The following REDIC1 variants were observed in gnomAD, a reference collection of about 807,000 sequenced individuals.
REDIC1 encodes the protein regulator of DNA class I crossover intermediates 1, also known as HEI10 Interacting Protein 1.
At chr12:39,708,804 A>G in the REDIC1 span, among the ~76,000 whole-genome samples, 1 of 151,868 alleles carries the variant, frequency 6.6e-6, no homozygotes, top group Admixed American at 6.6e-5. Context: ...TTGAAGAATT[A>G]TATGCCTCTT....
the REDIC1 span, among the ~76,000 whole-genome samples, chr12:39,741,826 G>A: frequency 0.054 from 8,262 of 152,136 alleles, 261 homozygotes; most frequent in Middle Eastern, 0.092. Context: ...TGAGGTCAGC[G>A]GAAAGAAATT....
chr12:39,745,282 C>T, the REDIC1 span, among the ~76,000 whole-genome samples: 3 of 152,114 alleles, frequency 2.0e-5, no homozygotes, highest in Non-Finnish European at 4.4e-5. Context: ...AAAACAGTAA[C>T]ACAATTTTCA....
At chr12:39,780,098 C>T in the REDIC1 span, among the ~76,000 whole-genome samples, 1 of 152,150 alleles carries the variant, frequency 6.6e-6, no homozygotes, top group African/African-American at 2.4e-5. Flanking sequence ...AATTGACTAA[C>T]GTTTGTATAG....
the REDIC1 span, among the ~76,000 whole-genome samples, chr12:39,648,672 T>C: frequency 6.6e-6 from 1 of 151,370 alleles, no homozygotes; most frequent in African/African-American, 2.4e-5. Flanking sequence ...TATGTCTTGT[T>C]AATGGGAATA....
the REDIC1 span, among the ~76,000 whole-genome samples, chr12:39,738,108 G>T: frequency 6.6e-6 from 1 of 152,156 alleles, no homozygotes; most frequent in Admixed American, 6.5e-5. Context: ...AGACCTATCG[G>T]AAGTCTTTTC....
chr12:39,645,351 C>T, the REDIC1 span, among the ~76,000 whole-genome samples: 1 of 151,964 alleles, frequency 6.6e-6, no homozygotes, highest in Non-Finnish European at 1.5e-5. Context: ...CTCATGGCTG[C>T]AAATGACAGA....
At chr12:39,665,485 A>G in the REDIC1 span, among the ~76,000 whole-genome samples, 5 of 150,130 alleles carry the variant, frequency 3.3e-5, no homozygotes, top group East Asian at 3.9e-4. Flanking sequence ...GCCTTGTAGT[A>G]TAGTTTGAAG....
the REDIC1 span, among the ~76,000 whole-genome samples, chr12:39,890,536 C>T: frequency 1.2e-4 from 18 of 152,176 alleles, no homozygotes; most frequent in South Asian, 2.9e-3. Flanking sequence ...TAGTAGAAGA[C>T]GGAGGCAGAA....
At chr12:39,826,854 A>ATTTTTTTTTTTTTT in the REDIC1 span, among the ~76,000 whole-genome samples, 52 of 67,382 alleles carry the variant, frequency 7.7e-4, no homozygotes, top group East Asian at 2.4e-3. Flanking sequence ...GTCTCTTTCA[A>ATTTTTTTTTTTTTT]TTTTTTTTTT....
chr12:39,819,197 A>T, the REDIC1 span, among the ~76,000 whole-genome samples: 12 of 152,196 alleles, frequency 7.9e-5, no homozygotes, highest in Non-Finnish European at 1.5e-4. Flanking sequence ...TGAAATTTTC[A>T]TCAAGAACAA....
the REDIC1 span, among the ~76,000 whole-genome samples, chr12:39,817,050 G>A: frequency 6.6e-6 from 1 of 152,208 alleles, no homozygotes. Flanking sequence ...AAAAAAAATA[G>A]GTAGGTGGTG....
the REDIC1 span, among the ~76,000 whole-genome samples, chr12:39,848,843 A>G: frequency 2.6e-5 from 4 of 152,084 alleles, no homozygotes; most frequent in Non-Finnish European, 5.9e-5. Context: ...ATGCATCCAT[A>G]AAAAAGGACG....
At chr12:39,675,384 A>G in the REDIC1 span, among the ~76,000 whole-genome samples, 2 of 151,788 alleles carry the variant, frequency 1.3e-5, no homozygotes, top group Non-Finnish European at 2.9e-5. Flanking sequence ...CTATGGCCCC[A>G]CCTATTGCTT....
the REDIC1 span, among the ~76,000 whole-genome samples, chr12:39,794,099 T>C: frequency 2.3e-5 from 3 of 131,776 alleles, no homozygotes; most frequent in Non-Finnish European, 4.6e-5. Context: ...GAAGGTGATG[T>C]ATGGCCTGGA....
At chr12:39,751,570 ATAAATCATGTTGC>A in the REDIC1 span, among the ~76,000 whole-genome samples, 5 of 152,356 alleles carry the variant, frequency 3.3e-5, no homozygotes, top group Admixed American at 6.5e-5. Flanking sequence ...CCAAAGAATT[ATAAATCATGTTGC>A]TATAAAGACA....
chr12:39,722,944 G>A, the REDIC1 span, among the ~76,000 whole-genome samples: 1 of 152,124 alleles, frequency 6.6e-6, no homozygotes, highest in Admixed American at 6.6e-5. Context: ...GGATGGAGAC[G>A]TTGAGTAAAG....
chr12:39,647,931 C>T, the REDIC1 span: 2 of 1,600,114 alleles, frequency 1.2e-6, no homozygotes, highest in South Asian at 2.2e-5. Flanking sequence ...TCTGGAATAG[C>T]ACCTACTCCT....
chr12:39,760,873 T>G, the REDIC1 span, among the ~76,000 whole-genome samples: 21 of 149,238 alleles, frequency 1.4e-4, no homozygotes, highest in Admixed American at 1.4e-3. Flanking sequence ...GTTTATATTC[T>G]CTACACATTT....
chr12:39,867,317 T>TTA, the REDIC1 span, among the ~76,000 whole-genome samples: 1 of 152,120 alleles, frequency 6.6e-6, no homozygotes, highest in Non-Finnish European at 1.5e-5. Context: ...TCCATGAAAA[T>TTA]GATAAACTCT....
Sources: gnomAD v4.1 joint callset for allele counts (sites outside exome capture counted in the v4.1 genomes callset) on GRCh38, gnomAD v4.1.1 for gene constraint, MANE v1.5 for transcripts, NCBI Gene and HGNC (gene_info 2026-07-23, HGNC 2026-07-21) for gene names.